DUSP13B: variants seen among roughly 807,000 people sequenced by gnomAD.
The protein encoded by DUSP13B is dual specificity protein phosphatase 13B.
the DUSP13B span, chr10:75,099,523 CAA>C: frequency 8.1e-7 from 1 of 1,231,830 alleles, no homozygotes; most frequent in Non-Finnish European, 1.0e-6. Flanking sequence ...GCCCAGAACA[CAA>C]ACACTGTGAA....
At chr10:75,106,096 CTTTT>C in the DUSP13B span, among the ~76,000 whole-genome samples, 1 of 109,026 alleles carries the variant, frequency 9.2e-6, no homozygotes, top group East Asian at 5.6e-4. Flanking sequence ...TCTTTTCTTT[CTTTT>C]CTTTTTTTTT....
the DUSP13B span, chr10:75,099,400 T>A: frequency 1.6e-6 from 2 of 1,232,506 alleles, no homozygotes; most frequent in Non-Finnish European, 2.0e-6. Context: ...CTGTGACCTC[T>A]CCAGGTGGCT....
chr10:75,104,166 G>A, the DUSP13B span: 62 of 1,182,434 alleles, frequency 5.2e-5, no homozygotes, highest in Non-Finnish European at 6.8e-5. Flanking sequence ...GACTTGTTGG[G>A]GCAGGGATAA....
the DUSP13B span, among the ~76,000 whole-genome samples, chr10:75,097,290 C>T: frequency 2.0e-5 from 3 of 152,084 alleles, no homozygotes; most frequent in Non-Finnish European, 4.4e-5. Flanking sequence ...CTCACTGCAA[C>T]CTCTGCCTCC....
the DUSP13B span, chr10:75,104,209 C>A: frequency 1.5e-6 from 1 of 685,416 alleles, no homozygotes; most frequent in Non-Finnish European, 2.2e-6. Context: ...CTGCCTTGAG[C>A]CCTGTGCATA....
chr10:75,097,238 C>T, the DUSP13B span, among the ~76,000 whole-genome samples: 5 of 151,372 alleles, frequency 3.3e-5, no homozygotes, highest in African/African-American at 7.3e-5. Flanking sequence ...GACAGAGTTT[C>T]GCTCTTATTG....
chr10:75,106,101 C>CTTTTTTTTTTTTTTT, the DUSP13B span, among the ~76,000 whole-genome samples: 1 of 123,024 alleles, frequency 8.1e-6, no homozygotes, highest in Non-Finnish European at 1.7e-5. Context: ...TCTTTCTTTT[C>CTTTTTTTTTTTTTTT]TTTTTTTTTT....
the DUSP13B span, chr10:75,108,070 C>T: frequency 2.4e-5 from 38 of 1,613,724 alleles, 1 homozygote; most frequent in African/African-American, 2.4e-4. Context: ...TCAGGGAGGT[C>T]GTGGGCTGGC....
At chr10:75,094,591 T>C in the DUSP13B span, 1 of 1,461,562 alleles carries the variant, frequency 6.8e-7, no homozygotes, top group Non-Finnish European at 9.3e-7. Flanking sequence ...CATCTCAGGG[T>C]CACTAGAAAC....
At chr10:75,097,644 A>G in the DUSP13B span, 1 of 1,427,474 alleles carries the variant, frequency 7.0e-7, no homozygotes, top group Non-Finnish European at 9.3e-7. Context: ...AGAGAGGCTC[A>G]TGCCCCCATT....
chr10:75,099,099 C>T, the DUSP13B span: 1 of 1,232,386 alleles, frequency 8.1e-7, no homozygotes, highest in Middle Eastern at 3.1e-4. Flanking sequence ...CAGGCATCTG[C>T]TGGCTGAAGG....
the DUSP13B span, chr10:75,107,942 C>T: frequency 6.5e-7 from 1 of 1,546,134 alleles, no homozygotes; most frequent in Non-Finnish European, 8.8e-7. Flanking sequence ...ATGAGGCATC[C>T]TCCCCATGAA....
the DUSP13B span, chr10:75,105,686 C>A: frequency 6.5e-7 from 1 of 1,549,592 alleles, no homozygotes; most frequent in Admixed American, 2.0e-5. Flanking sequence ...TGGCCGGCAC[C>A]CCGCAGTTGC....
chr10:75,101,949 C>T, the DUSP13B span: 1 of 1,367,778 alleles, frequency 7.3e-7, no homozygotes, highest in Non-Finnish European at 9.8e-7. Flanking sequence ...TCTCCGCACA[C>T]TTGATGCTGT....
chr10:75,102,194 G>A, the DUSP13B span, among the ~76,000 whole-genome samples: 1 of 152,226 alleles, frequency 6.6e-6, no homozygotes, highest in East Asian at 1.9e-4. Context: ...GTGGGAGAAG[G>A]GGCCGGGCGC....
chr10:75,098,476 C>T, the DUSP13B span, among the ~76,000 whole-genome samples: 1 of 152,142 alleles, frequency 6.6e-6, no homozygotes, highest in East Asian at 1.9e-4. Flanking sequence ...AGCCTGATGC[C>T]TCTGGCTGGG....
At chr10:75,095,533 G>A in the DUSP13B span, 1 of 1,570,672 alleles carries the variant, frequency 6.4e-7, no homozygotes, top group Non-Finnish European at 8.8e-7. Flanking sequence ...GAGTCCTAAA[G>A]CACACCCTCC....
At chr10:75,099,541 T>C in the DUSP13B span, 6 of 1,231,472 alleles carry the variant, frequency 4.9e-6, no homozygotes, top group South Asian at 2.1e-4. Flanking sequence ...GTGAAGCGGC[T>C]AGAATTCCAG....
the DUSP13B span, chr10:75,098,954 A>AC: frequency 8.1e-7 from 1 of 1,230,554 alleles, no homozygotes; most frequent in Non-Finnish European, 1.0e-6. Flanking sequence ...GTGGTCACTA[A>AC]CCCATCTGCT....
Sources: gnomAD v4.1 joint callset for allele counts (sites outside exome capture counted in the v4.1 genomes callset) on GRCh38, gnomAD v4.1.1 for gene constraint, MANE v1.5 for transcripts, NCBI Gene and HGNC (gene_info 2026-07-23, HGNC 2026-07-21) for gene names.